Variants in ITGAM observed in about 807,000 individuals in gnomAD.
ITGAM encodes integrin alpha-M.
A neutral mutation model predicts 137.5 loss-of-function variants in ITGAM; 79 were observed. That is an observed-to-expected ratio of 0.57 (90% CI 0.48 to 0.69). ITGAM has a LOEUF of 0.69. Among genes scored for constraint, ITGAM ranks in the 30% least tolerant of loss-of-function variants. The probability of loss-of-function intolerance (pLI) is 0.00; values close to 1 mark genes in which losing one functional copy is unlikely to be tolerated. For missense variants in ITGAM, 1,343 were observed against 1,483.5 expected (o/e 0.91, Z 1.56); for synonymous variants, 583 against 592.3 (o/e 0.98, Z 0.23).
chr16:31,298,395 G>A (rs1597009706), intron 14 of ITGAM, among the ~76,000 whole-genome samples: 1 of 150,938 alleles, frequency 6.6e-6, no homozygotes, highest in Non-Finnish European at 1.5e-5. Context: ...GCGTGCACGT[G>A]CACACACACA....
At chr16:31,309,796 G>T (rs1199951157) in intron 14 of ITGAM, among the ~76,000 whole-genome samples, 3 of 152,278 alleles carry the variant, frequency 2.0e-5, no homozygotes, top group Middle Eastern at 3.4e-3. Context: ...GGTACCGGCT[G>T]TTCCTTTCCA....
In ITGAM at chr16:31,331,252, C is replaced by G; in HGVS notation, c.3364C>G (p.Leu1122Val). 2 of 1,611,768 alleles carry G rather than the reference C, an allele frequency of 1.2e-6. No homozygotes were observed. Among genetic ancestry groups the G allele is most frequent in the Non-Finnish European group, 1.7e-6 (2 of 1,178,634 alleles). Residue 1122 changes from leucine to valine, a missense_variant, in exon 29 of 30, where the codon CTC becomes GTC. By Grantham distance (32) the Leu-to-Val change is conservative. Coordinates refer to ENST00000544665, the MANE Select transcript of ITGAM (RefSeq NM_000632.4). ...TGTCGGGGGACTGCTGCTCCTGGCC[C>G]TCATCACCGCCGCGCTGTACAAGGT... ...SSVGGLLLLA[L>V]ITAALYKLGF...
At position 31,324,450 on chromosome 16, in the gene ITGAM, C is replaced by T. The variant is rs1424387424; in HGVS notation, c.2054C>T (p.Pro685Leu). ...GACCTGGCTCTGGACTCCGGCCGCCCACATTCCCGCGCCGTCTTCAATGAG... is the reference window on the plus strand; with the variant it reads ...GACCTGGCTCTGGACTCCGGCCGCCTACATTCCCGCGCCGTCTTCAATGAG... ...TYDLALDSGR[P>L]HSRAVFNETK... is the part of the protein sequence containing the mutation. Residue 685 changes from proline (P) to leucine (L), a missense_variant, in exon 17 of 30, where the codon CCA becomes CTA. Physicochemically the swap from Pro to Leu is moderately conservative, Grantham distance 98. Transcript: ENST00000544665. The surrounding 1 kb of genome is among the most constrained non-coding windows in gnomAD (Gnocchi z 4.5). 6.4e-7 allele frequency: 1 copy of T among 1,559,392 alleles called. No homozygotes were observed. Among genetic ancestry groups the T allele is most frequent in the African/African-American group, 1.4e-5 (1 of 73,414 alleles).
intron 14 of ITGAM, among the ~76,000 whole-genome samples, chr16:31,306,478 T>G (rs1314488614): frequency 6.6e-6 from 1 of 151,974 alleles, no homozygotes; most frequent in Non-Finnish European, 1.5e-5. Context: ...TCACAGCTAA[T>G]GGCAATATCT....
chr16:31,306,610 C>A (rs1433083880), intron 14 of ITGAM, among the ~76,000 whole-genome samples: 2 of 151,838 alleles, frequency 1.3e-5, no homozygotes, highest in East Asian at 3.9e-4. Context: ...GCCTCCTGGG[C>A]AAGAGATTCT....
chr16:31,282,573 A>G (rs555432321), intron 12 of ITGAM, among the ~76,000 whole-genome samples: 1 of 152,260 alleles, frequency 6.6e-6, no homozygotes, highest in Admixed American at 6.5e-5. Context: ...TTTGCTTGGT[A>G]GATCTTCCTC....
intron 12 of ITGAM, among the ~76,000 whole-genome samples, chr16:31,295,644 A>G (rs1389936590): frequency 1.3e-5 from 2 of 150,402 alleles, no homozygotes; most frequent in Non-Finnish European, 3.0e-5. Flanking sequence ...GTTTTTATAT[A>G]TATATCATTT....
At position 31,275,799 on chromosome 16, in the gene ITGAM, C is replaced by A. The variant is rs919080256; in HGVS notation, c.1009+100C>A. The A allele has an allele frequency of 5.1e-6, 6 of 1,165,472 alleles. No homozygotes were observed. In the African/African-American group the frequency reaches 7.6e-5, roughly 15 times the overall value. 72.2% of individuals were successfully genotyped at this position (1,165,472 alleles called of 1,614,324 possible). On this transcript the variant is annotated intron_variant, in intron 9 of 29. Coordinates refer to ENST00000544665, the MANE Select transcript of ITGAM (RefSeq NM_000632.4). ...TCCAGACCTTCCTAACCCTTGGTATCCCCCAGCATCAACTCTCTCCACTTC... is the reference window on the plus strand; with the variant it reads ...TCCAGACCTTCCTAACCCTTGGTATACCCCAGCATCAACTCTCTCCACTTC...
At chr16:31,262,340 CTT>C in intron 2 of ITGAM, among the ~76,000 whole-genome samples, 3 of 13,718 alleles carry the variant, frequency 2.2e-4, no homozygotes, top group Admixed American at 9.1e-4. Context: ...CCCTTCCATC[CTT>C]CCTTCCTTCC....
chr16:31,268,791 C>A (rs929870), intron 5 of ITGAM, among the ~76,000 whole-genome samples: 2,204 of 152,210 alleles, frequency 0.014, 57 homozygotes, highest in African/African-American at 0.051. Flanking sequence ...AGTGCTGTTT[C>A]CATCAAACGG....
intron 14 of ITGAM, among the ~76,000 whole-genome samples, chr16:31,314,969 C>T (rs1350261329): frequency 1.3e-5 from 2 of 151,506 alleles, no homozygotes; most frequent in African/African-American, 4.8e-5. Context: ...CCCACCACCA[C>T]ACCCAGCTAA....
chr16:31,270,137 GCTTTCCTTTCCTTTCCTTTCCTTTC>G (rs796696322), intron 5 of ITGAM, among the ~76,000 whole-genome samples: 3,868 of 88,386 alleles, frequency 0.044, 202 homozygotes, highest in African/African-American at 0.16. Context: ...TTCCTCCTTT[GCTTTCCTTTCCTTTCCTTTCCTTTC>G]CTTTCCTTTC....
intron 23 of ITGAM, 79 bp from the exon 24 acceptor site, chr16:31,329,149 C>A: frequency 1.1e-6 from 1 of 918,494 alleles, no homozygotes; most frequent in Non-Finnish European, 1.8e-6. Flanking sequence ...CTGTTCGCTC[C>A]TTACACACTT....
rs775336313 is a variant in ITGAM, at chr16:31,330,505, C to T, written c.3176C>T (p.Thr1059Ile). 3.1e-6 allele frequency: 5 copies of T among 1,613,648 alleles called. No homozygotes were observed. In the South Asian group the frequency reaches 5.5e-5, roughly 18 times the overall value. Residue 1059 changes from threonine to isoleucine, a missense_variant and splice_region_variant, in exon 28 of 30, where the codon ACC (threonine) becomes ATC (isoleucine). Physicochemically the swap from Thr to Ile is moderately conservative, Grantham distance 89. Transcript: ENST00000544665. ...GTGCCCACCCGCTCTCTTCCACAGA[C>T]CTCGCATAACCACCTCCTGATCGTG... Reference protein sequence around the residue: ...GNLSFDWYIKTSHNHLLIVST... With the variant: ...GNLSFDWYIKISHNHLLIVST...
intron 5 of ITGAM, among the ~76,000 whole-genome samples, chr16:31,270,542 C>G (rs990872948): frequency 5.3e-5 from 8 of 150,774 alleles, no homozygotes; most frequent in Non-Finnish European, 8.9e-5. Flanking sequence ...GAGACAGGGT[C>G]TTTCTCTGTG....
intron 5 of ITGAM, among the ~76,000 whole-genome samples, chr16:31,268,057 G>A (rs2079789429): frequency 6.6e-6 from 1 of 152,006 alleles, no homozygotes; most frequent in Non-Finnish European, 1.5e-5. Context: ...CACCACAATC[G>A]ATAGCCATGA....
chr16:31,321,513 G>A lies in ITGAM; in HGVS notation c.1888G>A (p.Glu630Lys). Residue 630 changes from glutamate to lysine, a missense_variant, in exon 16 of 30, where the codon GAA (glutamate) becomes AAA (lysine). Physicochemically the swap from Glu to Lys is moderately conservative, Grantham distance 56. Transcript: ENST00000544665. ...VKAIMEFNPREVARNVFECND... is the reference protein window; with the variant it reads ...VKAIMEFNPRKVARNVFECND... ...GGCAATCATGGAGTTCAATCCCAGGGAAGTGGCAAGGAATGTATTTGAGTG... is the reference window on the plus strand; with the variant it reads ...GGCAATCATGGAGTTCAATCCCAGGAAAGTGGCAAGGAATGTATTTGAGTG... 1 of 1,614,032 alleles carries A rather than the reference G, an allele frequency of 6.2e-7. No homozygotes were observed. The highest frequency in any genetic ancestry group is 8.5e-7 in the Non-Finnish European group (1 of 1,179,896).
intron 12 of ITGAM, among the ~76,000 whole-genome samples, chr16:31,283,180 T>C (rs1028289549): frequency 6.6e-6 from 1 of 152,220 alleles, no homozygotes; most frequent in Non-Finnish European, 1.5e-5. Context: ...CTTTGGTGAA[T>C]CTGACAATTA....
At chr16:31,302,936 CTTT>C (rs2080226228) in intron 14 of ITGAM, among the ~76,000 whole-genome samples, 1 of 76,184 alleles carries the variant, frequency 1.3e-5, no homozygotes, top group East Asian at 4.8e-4. Flanking sequence ...TTCTTTCTTT[CTTT>C]CTTTCTTTCT....
Sources: gnomAD v4.1 joint callset for allele counts (sites outside exome capture counted in the v4.1 genomes callset) on GRCh38, gnomAD v4.1.1 for gene constraint, Gnocchi (gnomAD v3.1) non-coding constraint, MANE v1.5 for transcripts, NCBI Gene and HGNC (gene_info 2026-07-23, HGNC 2026-07-21) for gene names.